RBBP8: variants seen among roughly 807,000 people sequenced by gnomAD.
RBBP8 encodes DNA endonuclease RBBP8.
RBBP8 carries 88 observed loss-of-function variants against 108.3 expected under a neutral mutation model. The observed-to-expected ratio is 0.81, with a 90% CI of 0.68 to 0.97. RBBP8 has a LOEUF of 0.97. Ranked by LOEUF, RBBP8 falls within the 50% of genes least tolerant of loss-of-function variation. RBBP8 has a pLI of 0.00. For synonymous variants in RBBP8, 332 were observed against 348.2 expected, an observed-to-expected ratio of 0.95 and a Z score of 0.52; for missense variants, 1,023 against 1,049.0, an observed-to-expected ratio of 0.98 and a Z score of 0.34.
intron 12 of RBBP8, among the ~76,000 whole-genome samples, chr18:22,994,214 G>C (rs1239388544): frequency 1.3e-5 from 2 of 148,368 alleles, no homozygotes; most frequent in South Asian, 2.1e-4. Flanking sequence ...TAGTAGAGAC[G>C]GGGTTTCACC....
chr18:23,008,484 T>C (rs539303569), intron 16 of RBBP8, among the ~76,000 whole-genome samples: 22 of 152,298 alleles, frequency 1.4e-4, no homozygotes, highest in Admixed American at 1.4e-3. Context: ...TAGGTGTCAT[T>C]ATATACTCAT....
Position 22,917,826 on chromosome 18 carries a change from C to T in RBBP8, c.-154+800C>T, listed in dbSNP as rs147882367. 5.9e-3 allele frequency among the ~76,000 whole-genome samples: 894 copies of T among 151,874 alleles called. 10 individuals are homozygous for T. The highest frequency in any genetic ancestry group is 0.028 in the South Asian group (135 of 4,808). On this transcript the variant is annotated intron_variant, in intron 3 of 4. Coordinates refer to the RBBP8 transcript ENST00000577588. ...CAAGCCTGGCCAATATGATGAAATC[C>T]CGTCTCTACTAAAAATACAAAAATT...
At chr18:22,971,502 G>A (rs774784517) in intron 5 of RBBP8, among the ~76,000 whole-genome samples, 1 of 152,094 alleles carries the variant, frequency 6.6e-6, no homozygotes, top group Non-Finnish European at 1.5e-5. Flanking sequence ...TAGTAGATAC[G>A]TGAAATTAAG....
At chr18:22,973,533 A>G (rs1035552502) in intron 5 of RBBP8, among the ~76,000 whole-genome samples, 4 of 152,208 alleles carry the variant, frequency 2.6e-5, no homozygotes, top group Non-Finnish European at 4.4e-5. Flanking sequence ...ACATAGGTCC[A>G]GATATTCATT....
intron 3 of RBBP8, among the ~76,000 whole-genome samples, chr18:22,947,111 C>T (rs1318479053): frequency 6.6e-6 from 1 of 151,990 alleles, no homozygotes; most frequent in East Asian, 1.9e-4. Context: ...TAAGAAAATT[C>T]TCTTTAGCTG....
rs1366769820 is a variant in RBBP8 at position 23,006,366 on chromosome 18, A to G, written c.2291A>G (p.His764Arg). Reference sequence around the variant, plus strand: ...AATGTGCATGTTTTATTTATAGCTCATGGTGATAAACAAGACAAAGTCAAG... The same window carrying G: ...AATGTGCATGTTTTATTTATAGCTCGTGGTGATAAACAAGACAAAGTCAAG... ...LSTATKKLHT[H>R]GDKQDKVKQK... Residue 764 changes from histidine to arginine, a missense_variant, in exon 16 of 19, where the codon CAT (histidine) becomes CGT (arginine). By Grantham distance (29) the His-to-Arg change is conservative. Coordinates refer to ENST00000327155, the MANE Select transcript of RBBP8 (RefSeq NM_002894.3). 3 of 1,611,954 alleles carry G rather than the reference A, an allele frequency of 1.9e-6. No homozygotes were observed. The Admixed American group carries it at 5.0e-5, about 27-fold the overall frequency.
chr18:22,974,588 T>C (rs1022086590), intron 5 of RBBP8, among the ~76,000 whole-genome samples: 3 of 152,142 alleles, frequency 2.0e-5, no homozygotes, highest in African/African-American at 7.2e-5. Flanking sequence ...CCACCTCGAA[T>C]AGCTGGGATT....
chr18:22,916,831 ACTGT>A (rs1490535183), intron 2 of RBBP8: 3 of 152,124 alleles, frequency 2.0e-5, no homozygotes, highest in African/African-American at 4.8e-5. Context: ...AGCTGTCTCA[ACTGT>A]CTATTTTCTT....
intron 16 of RBBP8, among the ~76,000 whole-genome samples, chr18:23,015,755 A>C (rs1423388581): frequency 6.6e-6 from 1 of 152,196 alleles, no homozygotes; most frequent in Non-Finnish European, 1.5e-5. Context: ...TATGTAAAAA[A>C]AATCAGTTGA....
chr18:23,024,434 C>T (rs1020420208), intron 18 of RBBP8, among the ~76,000 whole-genome samples: 3 of 152,076 alleles, frequency 2.0e-5, no homozygotes, highest in Non-Finnish European at 4.4e-5. Flanking sequence ...ACCAAGTGTA[C>T]TTGAATGAAG....
intron 2 of RBBP8, among the ~76,000 whole-genome samples, chr18:22,939,405 G>T (rs946618199): frequency 6.6e-6 from 1 of 152,068 alleles, no homozygotes; most frequent in Admixed American, 6.6e-5. Flanking sequence ...ACTCAGGAAG[G>T]CTGAGGCAGG....
At position 22,997,669 on chromosome 18, in the gene RBBP8, C is replaced by T. The variant is rs2045883319; in HGVS notation, c.2078C>T (p.Thr693Ile). The T allele has an allele frequency of 4.3e-6, 7 of 1,610,646 alleles. No individual in the cohort carries two copies. The highest frequency in any genetic ancestry group is 1.3e-5 in the African/African-American group (1 of 74,750). Residue 693 changes from threonine to isoleucine, a missense_variant, in exon 14 of 19, where the codon ACA becomes ATA. Physicochemically the swap from Thr to Ile is moderately conservative, Grantham distance 89. Coordinates refer to ENST00000327155, the MANE Select transcript of RBBP8 (RefSeq NM_002894.3). ...GGAGAGACAGTGGACATGGACTGTACATTGGTTAGTGAAACCGTTCTCTTA... is the reference window on the plus strand; with the variant it reads ...GGAGAGACAGTGGACATGGACTGTATATTGGTTAGTGAAACCGTTCTCTTA... ...LGGETVDMDCTLVSETVLLKM... is the reference protein window; with the variant it reads ...LGGETVDMDCILVSETVLLKM...
Position 22,923,756 on chromosome 18 carries a change from G to A in RBBP8, c.-153-5627G>A, listed in dbSNP as rs111973420. On this transcript the variant is annotated intron_variant, in intron 3 of 4. Transcript: ENST00000577588. ...GAGCACTTCCTACTCTGTCCCTTCTGAGATTACAACATAATTTAAGACCCT... is the reference window on the plus strand; with the variant it reads ...GAGCACTTCCTACTCTGTCCCTTCTAAGATTACAACATAATTTAAGACCCT... 3.8e-3 allele frequency among the ~76,000 whole-genome samples: 578 copies of A among 152,232 alleles called. 7 individuals carry two copies. The highest frequency in any genetic ancestry group is 0.013 in the African/African-American group (552 of 41,532).
intron 4 of RBBP8, among the ~76,000 whole-genome samples, chr18:22,956,742 T>TA (rs1327122666): frequency 6.6e-6 from 1 of 152,246 alleles, no homozygotes; most frequent in Non-Finnish European, 1.5e-5. Context: ...TGAAGGGAAT[T>TA]ACCTAGTAAA....
chr18:23,022,602 A>AAAAATAAAATAAAATAAT (rs2046364434), intron 18 of RBBP8, among the ~76,000 whole-genome samples: 1 of 92,378 alleles, frequency 1.1e-5, no homozygotes, highest in African/African-American at 4.5e-5. Flanking sequence ...ACTCTGTCTC[A>AAAAATAAAATAAAATAAT]AAAATAAAAT....
At chr18:22,933,001 A>ACT (rs1268829594), upstream of RBBP8, among the ~76,000 whole-genome samples, 1 of 152,006 alleles carries the variant, frequency 6.6e-6, no homozygotes, top group Non-Finnish European at 1.5e-5. Context: ...GTTAATTTTA[A>ACT]CTCTTCATTC....
At position 23,021,820 on chromosome 18, in the gene RBBP8, CT is replaced by C. The variant is rs397735746; in HGVS notation, c.2455-296del. ...TAAGCACACTGTCAAGATCAGCTGG[CT>C]TTTTTTTTTTTTAATTGCAACACTT... On this transcript the variant is annotated intron_variant, in intron 17 of 18. Coordinates refer to ENST00000327155, the MANE Select transcript of RBBP8 (RefSeq NM_002894.3). 2.9e-3 allele frequency among the ~76,000 whole-genome samples: 415 copies of C among 140,838 alleles called. No individual in the cohort carries two copies. Among genetic ancestry groups the C allele is most frequent in the Admixed American group, 3.1e-3 (43 of 13,894 alleles). The allele number at this position is 140,838 out of a possible 152,430, so 92.4% of individuals were successfully genotyped here.
intron 10 of RBBP8, 59 bp downstream of exon 10, chr18:22,991,108 A>G: frequency 8.7e-7 from 1 of 1,149,302 alleles, no homozygotes; most frequent in East Asian, 2.5e-5. Flanking sequence ...CATTACAATG[A>G]ATTTCATATA....
intron 3 of RBBP8, among the ~76,000 whole-genome samples, chr18:22,948,100 T>A (rs1911724639): frequency 2.0e-5 from 3 of 152,080 alleles, no homozygotes; most frequent in African/African-American, 7.2e-5. Flanking sequence ...AATGTGTGTG[T>A]AAATCTTCAA....
Sources: allele counts gnomAD v4.1 joint callset (sites outside exome capture counted in the v4.1 genomes callset), GRCh38; gene constraint gnomAD v4.1.1; transcripts MANE v1.5; gene names NCBI Gene and HGNC (gene_info 2026-07-23, HGNC 2026-07-21).